The following EPHA6 variants were observed in gnomAD, a reference collection of about 807,000 sequenced individuals.
EPHA6 encodes ephrin type-A receptor 6.
Under a neutral mutation model 112.0 loss-of-function variants are expected in EPHA6, and 50 were observed. The observed-to-expected ratio is 0.45, with a 90% CI of 0.36 to 0.56. The LOEUF (loss-of-function observed/expected upper bound fraction) is 0.56, where lower values mean the gene tolerates loss of function less well. Ranked by LOEUF, EPHA6 falls within the 20% of genes least tolerant of loss-of-function variation. The pLI is 0.00. For missense variants in EPHA6, 1,280 were observed against 1,417.4 expected, an observed-to-expected ratio of 0.90 and a Z score of 1.56; for synonymous variants, 529 against 490.7, an observed-to-expected ratio of 1.08 and a Z score of -1.03.
chr3:96,974,401 G>A (rs922367425), intron 2 of EPHA6, among the ~76,000 whole-genome samples: 31 of 149,910 alleles, frequency 2.1e-4, no homozygotes, highest in African/African-American at 7.3e-4. Context: ...TATTAAATCT[G>A]TACTAAGTTG....
chr3:97,214,038 T>TGAGA (rs1185912976), intron 3 of EPHA6, among the ~76,000 whole-genome samples: 18 of 77,842 alleles, frequency 2.3e-4, no homozygotes, highest in African/African-American at 5.6e-4. Flanking sequence ...TGTGTGTGTG[T>TGAGA]GAGAGAGAGA....
intron 10 of EPHA6, among the ~76,000 whole-genome samples, chr3:97,510,435 A>G (rs2092342994): frequency 1.3e-5 from 2 of 152,160 alleles, no homozygotes; most frequent in Non-Finnish European, 2.9e-5. Context: ...TCCTTCTAGC[A>G]GTCAGGCCCC....
chr3:97,316,099 A>C (rs998883770), intron 5 of EPHA6, among the ~76,000 whole-genome samples: 3 of 151,844 alleles, frequency 2.0e-5, no homozygotes, highest in African/African-American at 7.3e-5. Flanking sequence ...GTGTCATATT[A>C]AATGATTTTA....
intron 1 of EPHA6, among the ~76,000 whole-genome samples, chr3:96,816,943 C>T (rs2032838694): frequency 6.6e-6 from 1 of 151,934 alleles, no homozygotes; most frequent in African/African-American, 2.4e-5. Context: ...ATATGCCAAA[C>T]ATATGTAATT....
chr3:97,664,746 T>C (rs1290421542), intron 14 of EPHA6, among the ~76,000 whole-genome samples: 1 of 152,086 alleles, frequency 6.6e-6, no homozygotes, highest in Non-Finnish European at 1.5e-5. Flanking sequence ...ATAAAATACC[T>C]AGGAATCCAA....
chr3:97,255,617 C>T (rs1032851935), intron 5 of EPHA6, among the ~76,000 whole-genome samples: 3 of 152,074 alleles, frequency 2.0e-5, no homozygotes, highest in African/African-American at 7.2e-5. Flanking sequence ...CTAAGCTGAA[C>T]CTAATGCAGA....
intron 6 of EPHA6, among the ~76,000 whole-genome samples, chr3:97,434,157 G>C (rs1025269162): frequency 6.6e-6 from 1 of 151,990 alleles, no homozygotes; most frequent in Non-Finnish European, 1.5e-5. Context: ...GTGACATTTA[G>C]CTGTATTGCA....
intron 5 of EPHA6, among the ~76,000 whole-genome samples, chr3:97,266,706 C>T (rs898687561): frequency 6.7e-6 from 1 of 149,268 alleles, no homozygotes; most frequent in East Asian, 2.0e-4. Flanking sequence ...AAGATGGAAC[C>T]TTATCCATAT....
intron 3 of EPHA6, among the ~76,000 whole-genome samples, chr3:97,018,948 C>T (rs1392659609): frequency 6.6e-6 from 1 of 152,188 alleles, no homozygotes; most frequent in Non-Finnish European, 1.5e-5. Context: ...CCTCTGGTAG[C>T]CCTGTCTGGG....
intron 4 of EPHA6, among the ~76,000 whole-genome samples, chr3:97,231,969 A>G (rs2078539488): frequency 6.6e-6 from 1 of 152,096 alleles, no homozygotes; most frequent in South Asian, 2.1e-4. Flanking sequence ...GAAATCTCCT[A>G]TTTGTGCTGT....
rs1421114100 is a variant in EPHA6, at chr3:97,751,157, G to A, written c.*2456G>A. ...ATATGGTCTTCCACAGGACTCTGTC[G>A]GCACCATCTGTGTACCTTGAAATAA... is the stretch of plus-strand genomic sequence containing the variant. On this transcript the variant is annotated 3_prime_UTR_variant, in exon 18 of 18. Coordinates refer to ENST00000389672, the MANE Select transcript of EPHA6 (RefSeq NM_001080448.3). Among the ~76,000 whole-genome samples the A allele has an allele frequency of 6.6e-6, 1 of 151,968 alleles. No individual in the cohort carries two copies. Among genetic ancestry groups the A allele is most frequent in the Non-Finnish European group, 1.5e-5 (1 of 67,972 alleles).
chr3:97,079,073 G>A (rs1259969136), intron 3 of EPHA6, among the ~76,000 whole-genome samples: 1 of 152,044 alleles, frequency 6.6e-6, no homozygotes, highest in Admixed American at 6.6e-5. Flanking sequence ...TATGTTCATT[G>A]CAACACTGTT....
At position 97,112,467 on chromosome 3, in the gene EPHA6, A is replaced by G. The variant is rs150790163; in HGVS notation, c.1115-113797A>G. On this transcript the variant is annotated intron_variant, in intron 3 of 17. Coordinates refer to ENST00000389672, the MANE Select transcript of EPHA6 (RefSeq NM_001080448.3). ...CCAATCACAAACTTGAGGACATTAG[A>G]GAGGGGAAGAAAAGCCAAGTGCTAT... Among the ~76,000 whole-genome samples, 619 of 152,248 alleles carry G rather than the reference A, an allele frequency of 4.1e-3. 1 individual carries two copies. The highest frequency in any genetic ancestry group is 0.014 in the African/African-American group (573 of 41,566).
intron 9 of EPHA6, 58 bp from the exon 10 acceptor site, chr3:97,483,876 A>G: frequency 6.7e-7 from 1 of 1,488,306 alleles, no homozygotes; most frequent in African/African-American, 1.4e-5. Context: ...AATGTTCACA[A>G]GATATAGACC....
intron 3 of EPHA6, among the ~76,000 whole-genome samples, chr3:97,194,631 G>C (rs1021584095): frequency 6.6e-6 from 1 of 151,180 alleles, no homozygotes; most frequent in Non-Finnish European, 1.5e-5. Context: ...TTGATTTTCT[G>C]TCTGGAAGAT....
chr3:97,558,382 AC>A (rs2093143387), intron 11 of EPHA6, among the ~76,000 whole-genome samples: 1 of 151,992 alleles, frequency 6.6e-6, no homozygotes, highest in Admixed American at 6.6e-5. Context: ...CTCAGTTTCT[AC>A]CTAAAGAGTC....
chr3:97,694,306 G>A (rs1346795580), intron 14 of EPHA6, among the ~76,000 whole-genome samples: 3 of 151,170 alleles, frequency 2.0e-5, no homozygotes, highest in Admixed American at 6.6e-5. Context: ...GCGTGATCTC[G>A]GCTCACTGCA....
chr3:96,882,722 TTGTGTGTCTGTGTGTGTGTG>T (rs2037386891), intron 2 of EPHA6, among the ~76,000 whole-genome samples: 1 of 135,946 alleles, frequency 7.4e-6, no homozygotes, highest in African/African-American at 2.8e-5. Flanking sequence ...TAGTATTCCA[TTGTGTGTCTGTGTGTGTGTG>T]TGTGTGTGTG....
chr3:97,541,475 T>C (rs761904653), intron 11 of EPHA6, among the ~76,000 whole-genome samples: 19 of 152,188 alleles, frequency 1.2e-4, no homozygotes, highest in Non-Finnish European at 2.6e-4. Context: ...GACTTTTGCA[T>C]CAACCTAATA....
Sources: gnomAD v4.1 joint callset for allele counts (sites outside exome capture counted in the v4.1 genomes callset) on GRCh38, gnomAD v4.1.1 for gene constraint, MANE v1.5 for transcripts, NCBI Gene and HGNC (gene_info 2026-07-23, HGNC 2026-07-21) for gene names.